UBE2R2: variants seen among roughly 807,000 people sequenced by gnomAD.
UBE2R2 encodes ubiquitin-conjugating enzyme E2 R2.
In UBE2R2, 1 loss-of-function variant was observed where a neutral mutation model predicts 27.8. The observed-to-expected ratio is 0.04, with a 90% confidence interval of 0.01 to 0.17. The LOEUF is 0.17. Ranked by LOEUF, UBE2R2 falls within the 10% of genes least tolerant of loss-of-function variation. UBE2R2 has a pLI of 1.00. For synonymous variants in UBE2R2, 106 were observed against 113.3 expected (o/e 0.94, Z 0.41); for missense variants, 100 against 291.0 (o/e 0.34, Z 4.78).
chr9:33,916,131 A>C (rs1336552028), intron 4 of UBE2R2, among the ~76,000 whole-genome samples: 2 of 152,186 alleles, frequency 1.3e-5, no homozygotes, highest in African/African-American at 4.8e-5. Flanking sequence ...TCATGAGGCC[A>C]GGAGTTCGAG....
intron 2 of UBE2R2, among the ~76,000 whole-genome samples, chr9:33,893,626 TTTTA>T (rs937199629): frequency 6.6e-6 from 1 of 152,016 alleles, no homozygotes; most frequent in Non-Finnish European, 1.5e-5. Context: ...ATGTTTAACT[TTTTA>T]TTTATTTATT....
intron 1 of UBE2R2, among the ~76,000 whole-genome samples, chr9:33,862,752 A>C (rs541651462): frequency 3.0e-4 from 46 of 152,270 alleles, no homozygotes; most frequent in South Asian, 8.3e-4. Context: ...AAACACTCAT[A>C]TAACGCTTTG....
intron 3 of UBE2R2, among the ~76,000 whole-genome samples, chr9:33,900,726 T>C (rs2130810030): frequency 6.6e-6 from 1 of 152,278 alleles, no homozygotes; most frequent in South Asian, 2.1e-4. Flanking sequence ...TGTACGTGTA[T>C]ACATATATGT....
intron 1 of UBE2R2, among the ~76,000 whole-genome samples, chr9:33,825,337 G>T (rs1820292216): frequency 6.6e-6 from 1 of 151,442 alleles, no homozygotes. Flanking sequence ...CATCTCCTGG[G>T]TCCAAGCAAT....
intron 1 of UBE2R2, among the ~76,000 whole-genome samples, chr9:33,869,296 T>C (rs1821430244): frequency 6.6e-6 from 1 of 152,134 alleles, no homozygotes; most frequent in African/African-American, 2.4e-5. Flanking sequence ...TTTTTTGTCA[T>C]TGCTGAAATT....
chr9:33,874,137 G>A (rs1479294166), intron 1 of UBE2R2, among the ~76,000 whole-genome samples: 1 of 151,822 alleles, frequency 6.6e-6, no homozygotes, highest in Non-Finnish European at 1.5e-5. Context: ...TAGTAGAGAT[G>A]GGGTTTCACC....
rs138222315 is a variant in UBE2R2, at chr9:33,856,420, T to G, written c.178-30461T>G. Among the ~76,000 whole-genome samples the G allele has an allele frequency of 7.2e-4, 109 of 152,282 alleles. No individual in the cohort carries two copies. The East Asian group carries it at 0.01, about 14-fold the overall frequency. On this transcript the variant is annotated intron_variant, in intron 1 of 4. Coordinates refer to ENST00000263228, the MANE Select transcript of UBE2R2 (RefSeq NM_017811.4). ...TAGTCTTGTTTGTTTTCTGGTACAT[T>G]ACTTACCACTAGATTTCTAAATAGT...
At chr9:33,860,405 C>T (rs1439630683) in intron 1 of UBE2R2, among the ~76,000 whole-genome samples, 1 of 152,104 alleles carries the variant, frequency 6.6e-6, no homozygotes, top group South Asian at 2.1e-4. Context: ...GTTACTACGC[C>T]CTACCACTCT....
intron 1 of UBE2R2, among the ~76,000 whole-genome samples, chr9:33,843,527 A>G (rs1820776077): frequency 6.6e-6 from 1 of 150,556 alleles, no homozygotes. Context: ...CTCCCAGGCT[A>G]GAGGGAAGTG....
chr9:33,841,575 G>A (rs948394516), intron 1 of UBE2R2, among the ~76,000 whole-genome samples: 8 of 152,084 alleles, frequency 5.3e-5, no homozygotes, highest in East Asian at 1.9e-4. Context: ...TATTTAGGGC[G>A]CCTAATATGG....
At chr9:33,852,371 C>G (rs868279855) in intron 1 of UBE2R2, among the ~76,000 whole-genome samples, 6 of 152,162 alleles carry the variant, frequency 3.9e-5, no homozygotes, top group African/African-American at 1.2e-4. Flanking sequence ...AGGAATCCAG[C>G]TGCATGATCC....
chr9:33,906,655 A>G (rs1282497889), intron 3 of UBE2R2, among the ~76,000 whole-genome samples: 1 of 152,194 alleles, frequency 6.6e-6, no homozygotes, highest in Non-Finnish European at 1.5e-5. Flanking sequence ...CATAGTAGCT[A>G]ACAGAGAAAG....
chr9:33,904,559 C>T (rs1464749959), intron 3 of UBE2R2, among the ~76,000 whole-genome samples: 1 of 152,174 alleles, frequency 6.6e-6, no homozygotes, highest in East Asian at 1.9e-4. Flanking sequence ...GCAAATGGAG[C>T]ACTTTTGTAA....
At chr9:33,827,254 G>T (rs1479718444) in intron 1 of UBE2R2, among the ~76,000 whole-genome samples, 2 of 152,198 alleles carry the variant, frequency 1.3e-5, no homozygotes, top group Non-Finnish European at 2.9e-5. Context: ...ACTTGAGCCT[G>T]GGAGGTCGAG....
chr9:33,877,823 G>GTCTGTCTGTCTGTCTGTCTGTCTCTCTT lies in UBE2R2; in HGVS notation c.178-9055_178-9054insGTCTGTCTGTCTGTCTGTCTCTCTTTCT. ...TCTCTGTCTGTCTGTCTGTCTGTCT[G>GTCTGTCTGTCTGTCTGTCTGTCTCTCTT]TCTCTCTCTCTCTCTCTCTCTCTCT... On this transcript the variant is annotated intron_variant, in intron 1 of 4. Coordinates refer to ENST00000263228, the MANE Select transcript of UBE2R2 (RefSeq NM_017811.4). 2.5e-3 allele frequency among the ~76,000 whole-genome samples: 331 copies of GTCTGTCTGTCTGTCTGTCTGTCTCTCTT among 131,122 alleles called. 1 individual carries two copies. Among genetic ancestry groups the GTCTGTCTGTCTGTCTGTCTGTCTCTCTT allele is most frequent in the African/African-American group, 9.9e-3 (300 of 30,338 alleles). 86.0% of individuals were successfully genotyped at this position (131,122 alleles called of 152,430 possible).
At chr9:33,827,784 A>G (rs1246488106) in intron 1 of UBE2R2, among the ~76,000 whole-genome samples, 1 of 152,082 alleles carries the variant, frequency 6.6e-6, no homozygotes, top group Non-Finnish European at 1.5e-5. Flanking sequence ...CAGCCTGACC[A>G]ACATGGTGAA....
chr9:33,897,925 A>C (rs1822156685), intron 2 of UBE2R2, among the ~76,000 whole-genome samples: 1 of 148,832 alleles, frequency 6.7e-6, no homozygotes, highest in South Asian at 2.1e-4. Flanking sequence ...ACAGGCATGC[A>C]CCACCACGCC....
rs1822726021 is a variant in UBE2R2 at position 33,918,910 on chromosome 9, A to G, written c.*1673A>G. On this transcript the variant is annotated 3_prime_UTR_variant, in exon 5 of 5. Coordinates refer to ENST00000263228, the MANE Select transcript of UBE2R2 (RefSeq NM_017811.4). ...CTGATCTCAGGGTTTTCACTCTTCA[A>G]ACTCCCAAACACATGACTTCTTCCC... 1 of 151,966 alleles carries G rather than the reference A, an allele frequency of 6.6e-6. No homozygotes were observed. Among genetic ancestry groups the G allele is most frequent in the Non-Finnish European group, 1.5e-5 (1 of 68,232 alleles). The allele number at this position is 151,966 out of a possible 1,614,324, so 9.4% of individuals were successfully genotyped here.
rs531602825 is a variant in UBE2R2, at chr9:33,890,639, G to A, written c.264+3672G>A. Reference sequence around the variant, plus strand: ...AGCCTGGCCAACATGGTGGAACTCCGTCTCCACTAAAAATACAAAAATTAG... The same window carrying A: ...AGCCTGGCCAACATGGTGGAACTCCATCTCCACTAAAAATACAAAAATTAG... On this transcript the variant is annotated intron_variant, in intron 2 of 4. Coordinates refer to ENST00000263228, the MANE Select transcript of UBE2R2 (RefSeq NM_017811.4). Among the ~76,000 whole-genome samples the A allele has an allele frequency of 4.5e-4, 68 of 151,988 alleles. 1 individual carries two copies. The highest frequency in any genetic ancestry group is 1.5e-3 in the African/African-American group (61 of 41,456).
Sources: gnomAD v4.1 joint callset for allele counts (sites outside exome capture counted in the v4.1 genomes callset) on GRCh38, gnomAD v4.1.1 for gene constraint, MANE v1.5 for transcripts, NCBI Gene and HGNC (gene_info 2026-07-23, HGNC 2026-07-21) for gene names.